FAM227B: variants seen among roughly 807,000 people sequenced by gnomAD.
FAM227B encodes protein FAM227B.
FAM227B carries 88 observed loss-of-function variants against 73.8 expected under a neutral mutation model. The ratio of observed to expected loss-of-function variants is 1.19; its 90% CI spans 1.00 to 1.42. The LOEUF (loss-of-function observed/expected upper bound fraction) is 1.42, where lower values mean the gene tolerates loss of function less well. Among genes scored for constraint, FAM227B ranks in the 40% most tolerant of loss-of-function variants. FAM227B has a pLI of 0.00. For missense variants in FAM227B, 632 were observed against 590.9 expected (o/e 1.07, Z -0.72); for synonymous variants, 210 against 190.5 (o/e 1.10, Z -0.84).
At chr15:49,339,983 G>T (rs956796702) in intron 13 of FAM227B, among the ~76,000 whole-genome samples, 28 of 152,224 alleles carry the variant, frequency 1.8e-4, no homozygotes, top group South Asian at 1.2e-3. Flanking sequence ...AAGCTTGAGG[G>T]TCCCAGGTTG....
chr15:49,517,051 T>C (rs1340158318), intron 10 of FAM227B, among the ~76,000 whole-genome samples: 1 of 152,182 alleles, frequency 6.6e-6, no homozygotes, highest in Non-Finnish European at 1.5e-5. Context: ...TCTGTCAATA[T>C]CTTGATTTTA....
intron 11 of FAM227B, among the ~76,000 whole-genome samples, chr15:49,442,037 A>G (rs1037328908): frequency 2.6e-5 from 4 of 151,668 alleles, no homozygotes; most frequent in African/African-American, 4.8e-5. Flanking sequence ...TGTCCAGCAC[A>G]TTAGGAAATA....
chr15:49,614,149 A>T (rs2078136083), intron 2 of FAM227B, among the ~76,000 whole-genome samples: 1 of 152,250 alleles, frequency 6.6e-6, no homozygotes, highest in Non-Finnish European at 1.5e-5. Context: ...AAAAGTGAAG[A>T]AAGTGAAACT....
chr15:49,595,392 C>G (rs1229101476), intron 3 of FAM227B, among the ~76,000 whole-genome samples: 1 of 151,814 alleles, frequency 6.6e-6, no homozygotes, highest in Non-Finnish European at 1.5e-5. Flanking sequence ...CAACAGTGAA[C>G]AGTGACAGTT....
At chr15:49,528,729 G>T (rs1415256731) in intron 10 of FAM227B, among the ~76,000 whole-genome samples, 2 of 151,816 alleles carry the variant, frequency 1.3e-5, no homozygotes, top group Admixed American at 1.3e-4. Flanking sequence ...AAGAAAAAAT[G>T]CTCAACATCA....
Position 49,367,601 on chromosome 15 carries a change from T to C in FAM227B, c.1118A>G (p.Tyr373Cys), listed in dbSNP as rs967922540. 9.0e-6 allele frequency: 14 copies of C among 1,562,814 alleles called. No individual in the cohort carries two copies. In the East Asian group the frequency reaches 9.5e-5, roughly 11 times the overall value. ...ATTAAACTCTGGACCAGTACTACTA[T>C]AGTGCGACTGTAAGAGGAAGAAAAT... ...RLSRLATKSH[Y>C]SSTGPEFNRV... Residue 373 changes from tyrosine to cysteine, a missense_variant, in exon 13 of 16, where the codon TAT becomes TGT. Transcript: ENST00000299338.
chr15:49,327,745 G>A lies in FAM227B; in HGVS notation c.*823C>T, dbSNP rs562289166. On this transcript the variant is annotated 3_prime_UTR_variant, in exon 16 of 16. Transcript: ENST00000299338. ...CTTACCACTTGGAGTCAAAACCAGGGACTAGATTTAGATACAATGAAAAAA... is the reference window on the plus strand; with the variant it reads ...CTTACCACTTGGAGTCAAAACCAGGAACTAGATTTAGATACAATGAAAAAA... 9.1e-6 allele frequency: 4 copies of A among 439,010 alleles called. No individual in the cohort carries two copies. The highest frequency in any genetic ancestry group is 8.0e-5 in the African/African-American group (4 of 49,748). 27.2% of individuals were successfully genotyped at this position (439,010 alleles called of 1,614,324 possible). A position where few individuals can be genotyped will look rare whatever the true frequency, so the allele number is the denominator to read the frequency against.
chr15:49,551,814 A>G (rs1437132078), intron 9 of FAM227B, among the ~76,000 whole-genome samples: 1 of 152,222 alleles, frequency 6.6e-6, no homozygotes, highest in African/African-American at 2.4e-5. Context: ...TTTAAAACCC[A>G]TATTTTAACC....
rs370338851 is a variant in FAM227B, at chr15:49,585,335, T to C, written c.405+2681A>G. The stretch of plus-strand genomic sequence containing the variant: ...AATACCATTTGACCCAGCCATCCCA[T>C]TACTGGGTATATACCCAAAGGATTA... On this transcript the variant is annotated intron_variant, in intron 5 of 15. Coordinates refer to ENST00000299338, the MANE Select transcript of FAM227B (RefSeq NM_152647.3). Among the ~76,000 whole-genome samples the C allele has an allele frequency of 1.4e-4, 21 of 152,322 alleles. No homozygotes were observed. The South Asian group carries it at 1.7e-3, about 12-fold the overall frequency.
chr15:49,590,111 C>T (rs908497768), intron 3 of FAM227B, 104 bp from the exon 4 acceptor site: 2 of 648,856 alleles, frequency 3.1e-6, no homozygotes, highest in Non-Finnish European at 5.4e-6. Flanking sequence ...TATTCCACAG[C>T]ATTGTTTTTT....
At chr15:49,556,663 C>G (rs2073726903) in intron 9 of FAM227B, among the ~76,000 whole-genome samples, 1 of 134,750 alleles carries the variant, frequency 7.4e-6, no homozygotes, top group Non-Finnish European at 1.6e-5. Flanking sequence ...CAAGGAGAGG[C>G]TGACAGACAG....
chr15:49,464,994 A>T lies in FAM227B; in HGVS notation c.1012+43217T>A, dbSNP rs190095940. ...ACACCTTAACTAGTTTCTAATTAAG[A>T]AACTATAATGTTATAAATGTCTAGT... On this transcript the variant is annotated intron_variant, in intron 11 of 15. Transcript: ENST00000299338. Among the ~76,000 whole-genome samples, 9 of 152,354 alleles carry T rather than the reference A, an allele frequency of 5.9e-5. No individual in the cohort carries two copies. The East Asian group carries it at 1.7e-3, about 29-fold the overall frequency.
intron 3 of FAM227B, among the ~76,000 whole-genome samples, chr15:49,608,363 G>A (rs2077657534): frequency 6.6e-6 from 1 of 152,076 alleles, no homozygotes; most frequent in South Asian, 2.1e-4. Flanking sequence ...TATAAAACTA[G>A]AGATGGAGAA....
At chr15:49,423,515 T>C (rs564510516) in intron 11 of FAM227B, 7 of 152,288 alleles carry the variant, frequency 4.6e-5, no homozygotes, top group African/African-American at 1.7e-4. Flanking sequence ...CTGATTTTAG[T>C]ACTGAGCAGG....
intron 11 of FAM227B, among the ~76,000 whole-genome samples, chr15:49,383,574 T>C (rs2151533416): frequency 6.6e-6 from 1 of 152,202 alleles, no homozygotes; most frequent in South Asian, 2.1e-4. Context: ...ATCTCTGAGG[T>C]ATGCCTATAT....
intron 3 of FAM227B, among the ~76,000 whole-genome samples, chr15:49,599,012 G>T (rs1047316763): frequency 6.6e-6 from 1 of 152,042 alleles, no homozygotes; most frequent in African/African-American, 2.4e-5. Context: ...GTCTGAGAAA[G>T]ATTGATACTA....
rs547976930 is a variant in FAM227B, at chr15:49,561,822, C to T, written c.747+6423G>A. On this transcript the variant is annotated intron_variant, in intron 9 of 15. Coordinates refer to ENST00000299338, the MANE Select transcript of FAM227B (RefSeq NM_152647.3). ...AAATGAAAATAGAGACACGACATAC[C>T]CAAATTTCTGGTATGCAGCCAAAGC... 9.2e-5 allele frequency among the ~76,000 whole-genome samples: 14 copies of T among 151,978 alleles called. No individual in the cohort carries two copies. In the East Asian group the frequency reaches 2.5e-3, roughly 27 times the overall value.
At chr15:49,443,225 A>C (rs986190548) in intron 11 of FAM227B, among the ~76,000 whole-genome samples, 3 of 151,714 alleles carry the variant, frequency 2.0e-5, no homozygotes, top group African/African-American at 7.3e-5. Context: ...GAATGAAATA[A>C]ATTACATTAA....
At chr15:49,335,223 T>G (rs2039498265) in intron 14 of FAM227B, among the ~76,000 whole-genome samples, 196 bp downstream of exon 14, 1 of 152,128 alleles carries the variant, frequency 6.6e-6, no homozygotes, top group South Asian at 2.1e-4. Context: ...CTTTCTTCTG[T>G]CCCTCTCACT....
Sources: gnomAD v4.1 joint callset for allele counts (sites outside exome capture counted in the v4.1 genomes callset) on GRCh38, gnomAD v4.1.1 for gene constraint, MANE v1.5 for transcripts, NCBI Gene and HGNC (gene_info 2026-07-23, HGNC 2026-07-21) for gene names.